The following NELL1 variants were observed in gnomAD, a reference collection of about 807,000 sequenced individuals.
The protein encoded by NELL1 is protein kinase C-binding protein NELL1.
NELL1 carries 76 observed loss-of-function variants against 107.4 expected under a neutral mutation model. That is an observed-to-expected ratio of 0.71 (90% confidence interval 0.59 to 0.86). The LOEUF is 0.86. NELL1 is among the 40% of genes least tolerant of loss of function. The probability of loss-of-function intolerance (pLI) is 0.00; values close to 1 mark genes in which losing one functional copy is unlikely to be tolerated. For missense variants in NELL1, 1,024 were observed against 1,005.5 expected (o/e 1.02, Z -0.25); for synonymous variants, 353 against 341.2 (o/e 1.03, Z -0.38).
intron 15 of NELL1, among the ~76,000 whole-genome samples, chr11:21,422,822 T>C (rs1852718527): frequency 6.6e-6 from 1 of 151,668 alleles, no homozygotes; most frequent in Non-Finnish European, 1.5e-5. Flanking sequence ...ATGAAAGAAA[T>C]AAGTCCCTTC....
intron 15 of NELL1, among the ~76,000 whole-genome samples, chr11:21,439,094 G>A (rs1022489613): frequency 6.6e-6 from 1 of 151,666 alleles, no homozygotes; most frequent in African/African-American, 2.4e-5. Flanking sequence ...AAAAGGTGAA[G>A]GTGGGTGTTT....
intron 12 of NELL1, among the ~76,000 whole-genome samples, chr11:21,006,556 C>T (rs1852330988): frequency 6.6e-6 from 1 of 152,034 alleles, no homozygotes; most frequent in African/African-American, 2.4e-5. Context: ...AATGCTTTGC[C>T]TGGAATCTCT....
intron 13 of NELL1, among the ~76,000 whole-genome samples, chr11:21,161,343 G>A (rs573535372): frequency 1.3e-5 from 2 of 152,220 alleles, no homozygotes; most frequent in African/African-American, 4.8e-5. Flanking sequence ...TTCAAGACTA[G>A]CCTGGCCAAC....
Position 20,698,413 on chromosome 11 carries a change from A to G in NELL1, c.184+20353A>G, listed in dbSNP as rs1312770096. Among the ~76,000 whole-genome samples the G allele has an allele frequency of 2.6e-5, 4 of 152,228 alleles. No homozygotes were observed. The East Asian group carries it at 7.7e-4, about 29-fold the overall frequency. Reference sequence around the variant, plus strand: ...CATCAAATAGTACATTAAGGAAAGCAGAGATGGAGAGAGACAGCAGAGAAT... The same window carrying G: ...CATCAAATAGTACATTAAGGAAAGCGGAGATGGAGAGAGACAGCAGAGAAT... On this transcript the variant is annotated intron_variant, in intron 2 of 19. Transcript: ENST00000357134.
chr11:21,003,141 G>A (rs973771293), intron 12 of NELL1, among the ~76,000 whole-genome samples: 3 of 152,010 alleles, frequency 2.0e-5, no homozygotes, highest in African/African-American at 7.2e-5. Flanking sequence ...GGATCTGTGC[G>A]GAATAAATTT....
intron 12 of NELL1, among the ~76,000 whole-genome samples, chr11:20,980,923 G>T (rs1851737008): frequency 6.6e-6 from 1 of 152,234 alleles, no homozygotes; most frequent in South Asian, 2.1e-4. Context: ...CCAGAGCAGT[G>T]AGTCAGTGAG....
intron 13 of NELL1, among the ~76,000 whole-genome samples, chr11:21,168,497 A>C (rs58312861): frequency 6.6e-6 from 1 of 151,384 alleles, no homozygotes; most frequent in Non-Finnish European, 1.5e-5. Flanking sequence ...TAACTTCTTC[A>C]TCTATTTTTT....
intron 4 of NELL1, 41 bp from the exon 5 acceptor site, chr11:20,885,403 T>G (rs1849487503): frequency 3.8e-6 from 5 of 1,319,706 alleles, no homozygotes; most frequent in Non-Finnish European, 5.5e-6. Flanking sequence ...TGGTTCTGCT[T>G]TGAGCCTCTC....
intron 2 of NELL1, among the ~76,000 whole-genome samples, chr11:20,782,209 T>G (rs1349632239): frequency 6.6e-6 from 1 of 152,210 alleles, no homozygotes; most frequent in Non-Finnish European, 1.5e-5. Flanking sequence ...CAAGATGCTA[T>G]CTCTTTTCTC....
chr11:21,372,833 A>G (rs968044270), intron 15 of NELL1, among the ~76,000 whole-genome samples: 2 of 152,072 alleles, frequency 1.3e-5, no homozygotes, highest in Non-Finnish European at 2.9e-5. Context: ...GTAGCAGACC[A>G]GGAGGAATTG....
intron 2 of NELL1, among the ~76,000 whole-genome samples, chr11:20,707,957 G>A (rs559482281): frequency 1.3e-5 from 2 of 152,318 alleles, no homozygotes; most frequent in East Asian, 3.9e-4. Flanking sequence ...GAGTATACAG[G>A]GGCAGGCAGG....
chr11:21,538,645 T>C (rs908212247), intron 16 of NELL1, among the ~76,000 whole-genome samples: 13 of 152,170 alleles, frequency 8.5e-5, no homozygotes, highest in Non-Finnish European at 1.8e-4. Context: ...CAATGCACTC[T>C]GTGTTTTGAT....
chr11:20,953,494 G>C (rs56948631), intron 11 of NELL1, among the ~76,000 whole-genome samples: 8,010 of 152,100 alleles, frequency 0.053, 685 homozygotes, highest in East Asian at 0.27. Context: ...AGTGTGGGGG[G>C]GCCTCAGTGT....
intron 2 of NELL1, among the ~76,000 whole-genome samples, chr11:20,678,638 T>G (rs1245128596): frequency 1.3e-5 from 2 of 152,156 alleles, no homozygotes; most frequent in Non-Finnish European, 2.9e-5. Flanking sequence ...CATCAGCAGA[T>G]TTGGTACTTA....
At position 20,966,797 on chromosome 11, in the gene NELL1, A is replaced by G. The variant is rs565314144; in HGVS notation, c.1300+6237A>G. 2.7e-3 allele frequency among the ~76,000 whole-genome samples: 417 copies of G among 151,880 alleles called. 2 individuals are homozygous for G. The highest frequency in any genetic ancestry group is 9.6e-3 in the African/African-American group (396 of 41,408). On this transcript the variant is annotated intron_variant, in intron 12 of 19. Transcript: ENST00000357134. ...AAAGTGCATCTATTCCTGCTCTCCT[A>G]CCCACTTGAAATCTTCTTAACCATC...
At chr11:21,187,208 A>G (rs971816138) in intron 13 of NELL1, among the ~76,000 whole-genome samples, 4 of 151,922 alleles carry the variant, frequency 2.6e-5, no homozygotes, top group Non-Finnish European at 5.9e-5. Context: ...AAGACTTGAC[A>G]GAAGCGAGCC....
Position 20,848,747 on chromosome 11 carries a change from G to A in NELL1, c.506+994G>A, listed in dbSNP as rs146792642. Among the ~76,000 whole-genome samples, 138 of 152,212 alleles carry A rather than the reference G, an allele frequency of 9.1e-4. 2 individuals carry two copies. Among genetic ancestry groups the A allele is most frequent in the Admixed American group, 4.3e-3 (65 of 15,288 alleles). ...TTCCAAGGTCAGTCAGCTTCAGACC[G>A]CATTTCTCATGAGGAGATGCTTGAA... On this transcript the variant is annotated intron_variant, in intron 4 of 19. Transcript: ENST00000357134.
chr11:20,851,674 G>T (rs1468631549), intron 4 of NELL1, among the ~76,000 whole-genome samples: 2 of 152,084 alleles, frequency 1.3e-5, no homozygotes, highest in Admixed American at 6.5e-5. Context: ...CTCTTTATTT[G>T]TAACTTTTAA....
At chr11:21,099,218 C>CACACACACACAA (rs1554967520) in intron 12 of NELL1, among the ~76,000 whole-genome samples, 19 of 142,928 alleles carry the variant, frequency 1.3e-4, no homozygotes, top group East Asian at 1.0e-3. Flanking sequence ...CACACACACA[C>CACACACACACAA]ACACACACAC....
Sources: allele counts gnomAD v4.1 joint callset (sites outside exome capture counted in the v4.1 genomes callset), GRCh38; gene constraint gnomAD v4.1.1; transcripts MANE v1.5; gene names NCBI Gene and HGNC (gene_info 2026-07-23, HGNC 2026-07-21).